Variants in SLC2A5 observed in about 807,000 individuals in gnomAD.
SLC2A5 encodes solute carrier family 2 member 5.
Under a neutral mutation model 50.3 loss-of-function variants are expected in SLC2A5, and 56 were observed. That is an observed-to-expected ratio of 1.11 (90% CI 0.90 to 1.39). The LOEUF (loss-of-function observed/expected upper bound fraction) is 1.39. Ranked by LOEUF, SLC2A5 falls within the 40% of genes most tolerant of loss-of-function variation. The pLI, the probability that SLC2A5 is intolerant of heterozygous loss-of-function variation, is 0.00. For missense variants in SLC2A5, 566 were observed against 650.1 expected (o/e 0.87, Z 1.41); for synonymous variants, 269 against 281.9 (o/e 0.95, Z 0.46).
intron 1 of SLC2A5, among the ~76,000 whole-genome samples, chr1:9,062,781 A>G (rs1460684652): frequency 6.6e-6 from 1 of 152,060 alleles, no homozygotes. Flanking sequence ...CTAAGGCAGG[A>G]GAATCGCTTG....
intron 1 of SLC2A5, among the ~76,000 whole-genome samples, chr1:9,065,191 C>T (rs1191747526): frequency 6.6e-6 from 1 of 152,146 alleles, no homozygotes; most frequent in African/African-American, 2.4e-5. Flanking sequence ...TTGAACTTCT[C>T]CTATGCTCTC....
At chr1:9,084,924 A>G (rs1316071281) in intron 2 of SLC2A5, 1 of 152,294 alleles carries the variant, frequency 6.6e-6, no homozygotes, top group African/African-American at 2.4e-5. Context: ...TTTAAGTTCG[A>G]GAAGCTCTGC....
chr1:9,054,414 G>T (rs377632370), intron 3 of SLC2A5, among the ~76,000 whole-genome samples: 1 of 152,156 alleles, frequency 6.6e-6, no homozygotes, highest in Non-Finnish European at 1.5e-5. Flanking sequence ...TAAATTCAGA[G>T]CAATGCCAGT....
chr1:9,068,574 C>T (rs1195194478), intron 1 of SLC2A5, among the ~76,000 whole-genome samples: 12 of 151,796 alleles, frequency 7.9e-5, no homozygotes, highest in African/African-American at 2.9e-4. Flanking sequence ...GCCTCAGCCT[C>T]CTGAGTAGCT....
intron 1 of SLC2A5, among the ~76,000 whole-genome samples, chr1:9,060,215 AT>A (rs1641890380): frequency 1.4e-5 from 2 of 140,588 alleles, no homozygotes; most frequent in Admixed American, 1.5e-4. Flanking sequence ...CACGCCCCTC[AT>A]GTAACAAACA....
upstream of SLC2A5, among the ~76,000 whole-genome samples, chr1:9,089,669 C>T (rs1223438427): frequency 1.3e-5 from 2 of 152,210 alleles, no homozygotes; most frequent in Non-Finnish European, 1.5e-5. Flanking sequence ...ATGTGGCAAC[C>T]CTGGACGCTG....
chr1:9,072,655 T>A (rs1041196354), upstream of SLC2A5, among the ~76,000 whole-genome samples: 3 of 151,990 alleles, frequency 2.0e-5, no homozygotes, highest in African/African-American at 7.2e-5. Context: ...TCTGTTACTG[T>A]TATAATAAAA....
At position 9,077,262 on chromosome 1, in the gene SLC2A5, G is replaced by T. The variant is rs1052518434; in HGVS notation, c.-58-7668C>A. On this transcript the variant is annotated intron_variant, in intron 2 of 5. Coordinates refer to the SLC2A5 transcript ENST00000464985. ...AAAAATACAAAAATTAGCCAGGCAT[G>T]GTGCTGCATGCCTGTAGTCCCAGCC... is the stretch of plus-strand genomic sequence containing the variant. Among the ~76,000 whole-genome samples the T allele has an allele frequency of 2.0e-5, 3 of 151,148 alleles. No homozygotes were observed. The South Asian group carries it at 6.2e-4, about 31-fold the overall frequency.
intron 3 of SLC2A5, among the ~76,000 whole-genome samples, chr1:9,052,014 G>A (rs964947882): frequency 4.6e-5 from 7 of 152,190 alleles, no homozygotes; most frequent in Non-Finnish European, 7.3e-5. Context: ...GGCCAGGCGC[G>A]GTGGCTCACG....
intron 3 of SLC2A5, among the ~76,000 whole-genome samples, chr1:9,051,514 G>A (rs1258869258): frequency 6.6e-6 from 1 of 152,082 alleles, no homozygotes; most frequent in Non-Finnish European, 1.5e-5. Flanking sequence ...ACCTCACCAA[G>A]ATACGCAGAT....
At chr1:9,047,825 C>A in intron 3 of SLC2A5, 91 bp from the exon 4 acceptor site, 1 of 1,330,916 alleles carries the variant, frequency 7.5e-7, no homozygotes. Flanking sequence ...GCATAGGCTC[C>A]AGCAGTTACA....
In SLC2A5 at chr1:9,044,361, A is replaced by C. The variant is rs1641386937; in HGVS notation, c.419-2424T>G. 2.6e-5 allele frequency among the ~76,000 whole-genome samples: 4 copies of C among 152,126 alleles called. No homozygotes were observed. The South Asian group carries it at 8.3e-4, about 32-fold the overall frequency. On this transcript the variant is annotated intron_variant, in intron 4 of 11. Transcript: ENST00000377424. ...AACAAACAAACAAACAAAAAGTTTA[A>C]ATTCCTCTGAGCCAATGAATACCTT... is the stretch of plus-strand genomic sequence containing the variant.
intron 1 of SLC2A5, among the ~76,000 whole-genome samples, chr1:9,059,985 TACAC>T (rs35876125): frequency 0.24 from 33,596 of 141,376 alleles, 4,483 homozygotes; most frequent in East Asian, 0.54. Context: ...AAAAACATAC[TACAC>T]ACACACACAC....
At chr1:9,039,116 C>T (rs969851575) in intron 8 of SLC2A5, among the ~76,000 whole-genome samples, 187 bp from the exon 9 acceptor site, 4 of 152,246 alleles carry the variant, frequency 2.6e-5, no homozygotes, top group Admixed American at 1.3e-4. Flanking sequence ...GGCTGTGATG[C>T]GGGACCCCAG....
At chr1:9,058,375 C>T (rs1044092123) in intron 1 of SLC2A5, 125 bp from the exon 2 acceptor site, 11 of 695,202 alleles carry the variant, frequency 1.6e-5, no homozygotes, top group Non-Finnish European at 2.6e-5. Context: ...TACTCCATTC[C>T]TTGAAACCTA....
chr1:9,038,057 C>T (rs1452948671), intron 10 of SLC2A5, 33 bp from the exon 11 acceptor site: 2 of 1,610,392 alleles, frequency 1.2e-6, no homozygotes, highest in East Asian at 2.2e-5. Flanking sequence ...TCCCTGAAGG[C>T]AGAGCGGGCC....
chr1:9,057,056 C>A (rs1641773085), intron 3 of SLC2A5, among the ~76,000 whole-genome samples: 1 of 152,174 alleles, frequency 6.6e-6, no homozygotes, highest in Non-Finnish European at 1.5e-5. Flanking sequence ...CTCTGGGGGG[C>A]TGAGGCGGGT....
In SLC2A5 at chr1:9,039,826, C is replaced by A. The variant is rs779890796; in HGVS notation, c.859G>T (p.Gly287Cys). The A allele has an allele frequency of 1.2e-6, 2 of 1,602,696 alleles. No homozygotes were observed. Among genetic ancestry groups the A allele is most frequent in the South Asian group, 1.1e-5 (1 of 89,956 alleles). ...QLLSIIVLMGGQQLSGVNAIY... is the reference protein window; with the variant it reads ...QLLSIIVLMGCQQLSGVNAIY... ...GCGTTGACGCCCGACAGCTGCTGGC[C>A]GCCCATGAGGACGATGATGGACAGC... Residue 287 changes from glycine (G) to cysteine (C), a missense_variant, in exon 7 of 12, where the codon GGC (glycine) becomes TGC (cysteine). Coordinates refer to ENST00000377424, the MANE Select transcript of SLC2A5 (RefSeq NM_003039.3).
chr1:9,057,285 C>G (rs1490174850), intron 3 of SLC2A5, among the ~76,000 whole-genome samples, 163 bp downstream of exon 3: 1 of 89,404 alleles, frequency 1.1e-5, no homozygotes, highest in Non-Finnish European at 2.2e-5. Context: ...GACTCCATCT[C>G]AAAAATTAAA....
Sources: allele counts gnomAD v4.1 joint callset (sites outside exome capture counted in the v4.1 genomes callset), GRCh38; gene constraint gnomAD v4.1.1; transcripts MANE v1.5; gene names NCBI Gene and HGNC (gene_info 2026-07-23, HGNC 2026-07-21).